ARHGAP26: variants seen among roughly 807,000 people sequenced by gnomAD.
ARHGAP26 encodes Rho GTPase activating protein 26.
Under a neutral mutation model 104.8 loss-of-function variants are expected in ARHGAP26, and 38 were observed. The observed-to-expected ratio is 0.36, with a 90% CI of 0.28 to 0.48. The LOEUF is 0.48. Ranked by LOEUF, ARHGAP26 falls within the 20% of genes least tolerant of loss-of-function variation. ARHGAP26 has a pLI of 0.99. For synonymous variants in ARHGAP26, 341 were observed against 340.0 expected, an observed-to-expected ratio of 1.00 and a Z score of -0.03; for missense variants, 704 against 947.9, an observed-to-expected ratio of 0.74 and a Z score of 3.38.
intron 11 of ARHGAP26, among the ~76,000 whole-genome samples, chr5:142,949,019 C>T (rs1562134559): frequency 6.6e-6 from 1 of 151,568 alleles, no homozygotes; most frequent in Admixed American, 6.6e-5. Context: ...GCAGGAGAAT[C>T]GCTTGAACCT....
At chr5:143,115,384 T>C (rs1240872001) in intron 17 of ARHGAP26, among the ~76,000 whole-genome samples, 1 of 151,920 alleles carries the variant, frequency 6.6e-6, no homozygotes, top group Non-Finnish European at 1.5e-5. Flanking sequence ...CGTACTATTA[T>C]GATTTGGGGT....
In ARHGAP26 at chr5:143,020,410, C is replaced by T. The variant is rs76018778; in HGVS notation, c.1144+6294C>T. Among the ~76,000 whole-genome samples, 702 of 152,250 alleles carry T rather than the reference C, an allele frequency of 4.6e-3. 13 individuals are homozygous for T. In the East Asian group the frequency reaches 0.075, roughly 16 times the overall value. ...CAATAGACAGATGGCCCAATTACAT[C>T]GTGTGGGTGTATGTCATATTCAAAC... On this transcript the variant is annotated intron_variant, in intron 12 of 22. Coordinates refer to ENST00000645722, the MANE Select transcript of ARHGAP26 (RefSeq NM_001135608.3).
intron 1 of ARHGAP26, among the ~76,000 whole-genome samples, chr5:142,810,348 G>T (rs1046064857): frequency 1.3e-5 from 2 of 152,158 alleles, no homozygotes; most frequent in African/African-American, 4.8e-5. Context: ...GTGGAATTTA[G>T]GGTAGTATCA....
chr5:142,987,999 C>G (rs1018398412), intron 11 of ARHGAP26, among the ~76,000 whole-genome samples: 2 of 152,142 alleles, frequency 1.3e-5, no homozygotes, highest in African/African-American at 4.8e-5. Context: ...CAGGATGATG[C>G]TGGCCTCATA....
chr5:142,970,204 T>C (rs952100873), intron 11 of ARHGAP26, among the ~76,000 whole-genome samples: 1 of 152,184 alleles, frequency 6.6e-6, no homozygotes, highest in Non-Finnish European at 1.5e-5. Context: ...GGCCTTCTGC[T>C]AGATTACAGG....
In ARHGAP26 at chr5:143,223,074, G is replaced by A. The variant is rs1290934203; in HGVS notation, c.*628G>A. The A allele has an allele frequency of 8.6e-6, 2 of 233,120 alleles. No homozygotes were observed. Among genetic ancestry groups the A allele is most frequent in the Non-Finnish European group, 1.7e-5 (2 of 117,830 alleles). 14.4% of individuals were successfully genotyped at this position (233,120 alleles called of 1,614,324 possible). A position where few individuals can be genotyped will look rare whatever the true frequency, so the allele number is the denominator to read the frequency against. ...GATACAATCCAGTCTTCTCATGCAC[G>A]GGAACACACACACCCTGCGTTTCTC... On this transcript the variant is annotated 3_prime_UTR_variant, in exon 23 of 23. Transcript: ENST00000645722.
chr5:142,937,062 C>G (rs1431035996), intron 11 of ARHGAP26, among the ~76,000 whole-genome samples: 2 of 152,020 alleles, frequency 1.3e-5, no homozygotes, highest in Admixed American at 6.6e-5. Context: ...GTGAAAGACC[C>G]TGGTAAGAGG....
chr5:142,892,235 C>T (rs989255567), intron 5 of ARHGAP26, among the ~76,000 whole-genome samples: 25 of 151,946 alleles, frequency 1.6e-4, no homozygotes, highest in African/African-American at 5.6e-4. Flanking sequence ...GAGGATGGCT[C>T]TGCAGGAATT....
intron 11 of ARHGAP26, among the ~76,000 whole-genome samples, chr5:142,987,241 T>G (rs1774888490): frequency 6.6e-6 from 1 of 152,220 alleles, no homozygotes; most frequent in Non-Finnish European, 1.5e-5. Context: ...CTAGGTATTT[T>G]ATTCTCTTTG....
chr5:142,803,123 A>C (rs1762375586), intron 1 of ARHGAP26, among the ~76,000 whole-genome samples: 1 of 152,172 alleles, frequency 6.6e-6, no homozygotes, highest in South Asian at 2.1e-4. Flanking sequence ...AATTGAACTG[A>C]AAGTACATTG....
At chr5:143,133,833 A>AACT (rs1437724636) in intron 18 of ARHGAP26, 134 bp from the exon 19 acceptor site, 2 of 798,394 alleles carry the variant, frequency 2.5e-6, no homozygotes, top group Non-Finnish European at 3.7e-6. Context: ...AGTCTTGAAC[A>AACT]ACTGCCAGTG....
intron 1 of ARHGAP26, among the ~76,000 whole-genome samples, chr5:142,846,362 G>C (rs1172222383): frequency 6.6e-6 from 1 of 152,176 alleles, no homozygotes; most frequent in Non-Finnish European, 1.5e-5. Flanking sequence ...AGGTGGGAGG[G>C]TGGGGCATGC....
At chr5:143,184,219 A>G (rs1804811551) in intron 20 of ARHGAP26, among the ~76,000 whole-genome samples, 1 of 152,224 alleles carries the variant, frequency 6.6e-6, no homozygotes, top group South Asian at 2.1e-4. Context: ...CTGAAATGCC[A>G]GCTGTCCCTT....
intron 11 of ARHGAP26, among the ~76,000 whole-genome samples, chr5:143,000,719 C>T (rs1056784982): frequency 1.6e-4 from 24 of 152,152 alleles, no homozygotes; most frequent in African/African-American, 5.8e-4. Flanking sequence ...GAGGTCATGT[C>T]CTTTGCAGGG....
rs933896126 is a variant in ARHGAP26, at chr5:142,791,834, C to T, written c.154+20919C>T. Among the ~76,000 whole-genome samples, 12 of 150,900 alleles carry T rather than the reference C, an allele frequency of 8.0e-5. No individual in the cohort carries two copies. The South Asian group carries it at 8.4e-4, about 11-fold the overall frequency. ...CAAAAATTAGCCAGGCATGGTGGCACGCGCCTGTAGTTCCAGCTATCTGGG... is the reference window on the plus strand; with the variant it reads ...CAAAAATTAGCCAGGCATGGTGGCATGCGCCTGTAGTTCCAGCTATCTGGG... On this transcript the variant is annotated intron_variant, in intron 1 of 22. Transcript: ENST00000645722.
chr5:142,834,296 T>C (rs1043672845), intron 1 of ARHGAP26, among the ~76,000 whole-genome samples: 3 of 152,214 alleles, frequency 2.0e-5, no homozygotes, highest in Non-Finnish European at 4.4e-5. Context: ...CCTGGAAAGC[T>C]CCATCTCATC....
chr5:142,949,216 A>AGAGAGAGAGAGAGAGAGAGAGAGG (rs1767856028), intron 11 of ARHGAP26, among the ~76,000 whole-genome samples: 1 of 72,038 alleles, frequency 1.4e-5, no homozygotes, highest in Admixed American at 1.2e-4. Context: ...AGAGAGAGAG[A>AGAGAGAGAGAGAGAGAGAGAGAGG]GAGAGGAGAG....
chr5:142,965,899 T>C (rs1445695084), intron 11 of ARHGAP26, among the ~76,000 whole-genome samples: 1 of 152,190 alleles, frequency 6.6e-6, no homozygotes, highest in African/African-American at 2.4e-5. Flanking sequence ...TCATCCAGTG[T>C]AAATAGTTGG....
Position 143,214,088 on chromosome 5 carries a change from G to T in ARHGAP26, c.2191G>T (p.Val731Phe). 7.6e-7 allele frequency: 1 copy of T among 1,321,564 alleles called. No homozygotes were observed. The highest frequency in any genetic ancestry group is 1.0e-6 in the Non-Finnish European group (1 of 974,402). The allele number at this position is 1,321,564 out of a possible 1,614,324, so 81.9% of individuals were successfully genotyped here. Residue 731 changes from valine (V) to phenylalanine (F), a missense_variant and splice_region_variant, in exon 22 of 23, where the codon GTT (valine) becomes TTT (phenylalanine). This residue lies in a region of ARHGAP26 where 217 missense variants were observed against 242.6 expected (regional missense o/e 0.89). Coordinates refer to ENST00000645722, the MANE Select transcript of ARHGAP26 (RefSeq NM_001135608.3). ...SFTAGTVFDN[V>F]HPSQEPGWLE... Reference sequence around the variant, plus strand: ...CACAGCAGGCACGGTCTTCGATAACGGTGAGTTTCTCATCCCCTCACAAAG... The same window carrying T: ...CACAGCAGGCACGGTCTTCGATAACTGTGAGTTTCTCATCCCCTCACAAAG...
Sources: allele counts gnomAD v4.1 joint callset (sites outside exome capture counted in the v4.1 genomes callset), GRCh38; gene constraint gnomAD v4.1.1; regional missense constraint gnomAD v4.1.1; transcripts MANE v1.5; gene names NCBI Gene and HGNC (gene_info 2026-07-23, HGNC 2026-07-21).